Variants in ZMAT4 observed in about 807,000 individuals in gnomAD.
ZMAT4 encodes the protein zinc finger matrin-type protein 4.
Under a neutral mutation model 28.7 loss-of-function variants are expected in ZMAT4, and 17 were observed. The ratio of observed to expected loss-of-function variants is 0.59; its 90% CI spans 0.41 to 0.89. ZMAT4 has a LOEUF of 0.89. Ranked by LOEUF, ZMAT4 falls within the 40% of genes least tolerant of loss-of-function variation. ZMAT4 has a pLI of 0.00. For missense variants in ZMAT4, 240 were observed against 283.8 expected (o/e 0.85, Z 1.11); for synonymous variants, 117 against 109.2 (o/e 1.07, Z -0.44).
chr8:40,806,473 C>T (rs1245458529), intron 2 of ZMAT4, among the ~76,000 whole-genome samples: 3 of 152,194 alleles, frequency 2.0e-5, no homozygotes, highest in Non-Finnish European at 4.4e-5. Context: ...CATTCTCAGA[C>T]ATGTGCTGCC....
chr8:40,546,826 A>G (rs1388119060), intron 6 of ZMAT4, among the ~76,000 whole-genome samples: 1 of 152,160 alleles, frequency 6.6e-6, no homozygotes, highest in Admixed American at 6.5e-5. Context: ...TGTGGTACAT[A>G]AAGCTGCGAT....
Position 40,844,657 on chromosome 8 carries a change from CTGTGTGTGTG to C in ZMAT4, c.-4-18987_-4-18978del, listed in dbSNP as rs71224857. Among the ~76,000 whole-genome samples, 221 of 142,496 alleles carry C rather than the reference CTGTGTGTGTG, an allele frequency of 1.6e-3. 1 individual carries two copies. The highest frequency in any genetic ancestry group is 2.3e-3 in the Non-Finnish European group (152 of 65,724). The allele number at this position is 142,496 out of a possible 152,430, so 93.5% of individuals were successfully genotyped here. ...CTCTCTCTGCATGCTCTCTCTCATT[CTGTGTGTGTG>C]TGTGTGTGTGTGTGTGTGTGTGTGT... On this transcript the variant is annotated intron_variant, in intron 1 of 6. Coordinates refer to ENST00000297737, the MANE Select transcript of ZMAT4 (RefSeq NM_024645.3).
intron 5 of ZMAT4, among the ~76,000 whole-genome samples, chr8:40,660,033 G>T (rs940476566): frequency 1.3e-5 from 2 of 152,288 alleles, no homozygotes; most frequent in South Asian, 2.1e-4. Flanking sequence ...TTGCCAGCGG[G>T]TATCTGTGAA....
At chr8:40,849,199 A>T (rs901505841) in intron 1 of ZMAT4, among the ~76,000 whole-genome samples, 9 of 152,190 alleles carry the variant, frequency 5.9e-5, no homozygotes, top group African/African-American at 2.2e-4. Context: ...GGAATTGACA[A>T]AGCCTGTTAG....
intron 1 of ZMAT4, among the ~76,000 whole-genome samples, chr8:40,830,065 C>A (rs975026764): frequency 6.6e-6 from 1 of 152,174 alleles, no homozygotes; most frequent in African/African-American, 2.4e-5. Context: ...TCAGGATCCT[C>A]AGAGGCAGAT....
At chr8:40,853,068 A>AT (rs1265113980) in intron 1 of ZMAT4, among the ~76,000 whole-genome samples, 4 of 151,990 alleles carry the variant, frequency 2.6e-5, no homozygotes, top group Non-Finnish European at 2.9e-5. Context: ...TCTACCAGTC[A>AT]TTTTTTTTCA....
At chr8:40,658,645 C>T (rs1012543158) in intron 5 of ZMAT4, among the ~76,000 whole-genome samples, 2 of 151,854 alleles carry the variant, frequency 1.3e-5, no homozygotes, top group Non-Finnish European at 2.9e-5. Flanking sequence ...CACACACACA[C>T]ACACACACAC....
intron 1 of ZMAT4, among the ~76,000 whole-genome samples, chr8:40,893,086 C>T (rs1210897619): frequency 6.6e-6 from 1 of 152,244 alleles, no homozygotes; most frequent in African/African-American, 2.4e-5. Context: ...TCAATCCTTG[C>T]TGGAGATGGA....
intron 3 of ZMAT4, among the ~76,000 whole-genome samples, chr8:40,743,060 A>T (rs1812080374): frequency 6.6e-6 from 1 of 152,146 alleles, no homozygotes; most frequent in African/African-American, 2.4e-5. Flanking sequence ...AAAAAAAAAA[A>T]TACAAAAATT....
intron 6 of ZMAT4, among the ~76,000 whole-genome samples, chr8:40,550,933 G>A (rs1181469797): frequency 1.3e-5 from 2 of 152,126 alleles, no homozygotes; most frequent in African/African-American, 2.4e-5. Context: ...ATATATAATA[G>A]GAGAATATCA....
chr8:40,760,999 TTAACAAA>T, intron 3 of ZMAT4, among the ~76,000 whole-genome samples: 1 of 151,940 alleles, frequency 6.6e-6, no homozygotes, highest in East Asian at 1.9e-4. Flanking sequence ...AGTTCGGAAA[TTAACAAA>T]AGGAAGCTGA....
At chr8:40,763,988 C>A (rs13264682) in intron 3 of ZMAT4, among the ~76,000 whole-genome samples, 33,507 of 139,994 alleles carry the variant, frequency 0.24, 3,895 homozygotes, top group Non-Finnish European at 0.26. Context: ...ATCACACACA[C>A]AAAAAAAAAA....
chr8:40,786,803 C>CAG, intron 2 of ZMAT4: 2 of 1,199,666 alleles, frequency 1.7e-6, no homozygotes, highest in Non-Finnish European at 2.2e-6. Flanking sequence ...TGGGAACAAA[C>CAG]AGACTGTGCT....
chr8:40,667,708 A>C (rs1808481072), intron 5 of ZMAT4, among the ~76,000 whole-genome samples: 1 of 152,128 alleles, frequency 6.6e-6, no homozygotes, highest in Non-Finnish European at 1.5e-5. Context: ...AAGTGCTCTT[A>C]AGAAGCACAG....
At chr8:40,715,900 A>G (rs1585927913) in intron 3 of ZMAT4, among the ~76,000 whole-genome samples, 1 of 152,354 alleles carries the variant, frequency 6.6e-6, no homozygotes, top group Non-Finnish European at 1.5e-5. Context: ...AGTCATGGAG[A>G]AAAACTGCTA....
rs142783639 is a variant in ZMAT4, at chr8:40,554,620, C to G, written c.675-22382G>C. Among the ~76,000 whole-genome samples, 38 of 152,172 alleles carry G rather than the reference C, an allele frequency of 2.5e-4. No homozygotes were observed. The East Asian group carries it at 6.6e-3, about 26-fold the overall frequency. ...TCTATGAATAAAATATTTAAAATAT[C>G]CGTATTGGTCTTTCATCAACTACTT... On this transcript the variant is annotated intron_variant, in intron 6 of 6. Coordinates refer to ENST00000297737, the MANE Select transcript of ZMAT4 (RefSeq NM_024645.3).
chr8:40,563,170 C>G (rs1803803281), intron 6 of ZMAT4, among the ~76,000 whole-genome samples: 2 of 152,172 alleles, frequency 1.3e-5, no homozygotes. Context: ...CATTCCACCT[C>G]AAACTGAAAT....
At chr8:40,599,907 T>G (rs1296362925) in intron 5 of ZMAT4, among the ~76,000 whole-genome samples, 1 of 152,204 alleles carries the variant, frequency 6.6e-6, no homozygotes, top group Non-Finnish European at 1.5e-5. Context: ...TGAGTCACCC[T>G]TTGGGTTCCT....
At chr8:40,883,707 A>G (rs989981708) in intron 1 of ZMAT4, among the ~76,000 whole-genome samples, 1 of 152,110 alleles carries the variant, frequency 6.6e-6, no homozygotes, top group African/African-American at 2.4e-5. Context: ...AAGTGCCCTG[A>G]TCTCCCCTAA....
Sources: gnomAD v4.1 joint callset for allele counts (sites outside exome capture counted in the v4.1 genomes callset) on GRCh38, gnomAD v4.1.1 for gene constraint, MANE v1.5 for transcripts, NCBI Gene and HGNC (gene_info 2026-07-23, HGNC 2026-07-21) for gene names.